THSD7A: variants seen among roughly 807,000 people sequenced by gnomAD.
THSD7A encodes thrombospondin type 1 domain containing 7A.
In THSD7A, 96 loss-of-function variants were observed where a neutral mutation model predicts 231.3. That is an observed-to-expected ratio of 0.41 (90% CI 0.35 to 0.49). The LOEUF (loss-of-function observed/expected upper bound fraction) is 0.49, where lower values mean the gene tolerates loss of function less well. Ranked by LOEUF, THSD7A falls within the 20% of genes least tolerant of loss-of-function variation. THSD7A has a pLI of 0.05. For missense variants in THSD7A, 2,290 were observed against 2,070.2 expected, an observed-to-expected ratio of 1.11 and a Z score of -2.06; for synonymous variants, 940 against 743.3, an observed-to-expected ratio of 1.26 and a Z score of -4.30.
At chr7:11,699,292 T>C (rs1256370647) in intron 1 of THSD7A, among the ~76,000 whole-genome samples, 1 of 151,310 alleles carries the variant, frequency 6.6e-6, no homozygotes, top group African/African-American at 2.4e-5. Flanking sequence ...TATTTTAAAG[T>C]AAAATTTAAG....
At chr7:11,514,368 T>A (rs1228071407) in intron 6 of THSD7A, among the ~76,000 whole-genome samples, 1 of 152,136 alleles carries the variant, frequency 6.6e-6, no homozygotes, top group Non-Finnish European at 1.5e-5. Flanking sequence ...GAGTAGCCAG[T>A]CAGTTAATAT....
chr7:11,565,927 G>C (rs903588833), intron 4 of THSD7A, among the ~76,000 whole-genome samples: 8 of 152,210 alleles, frequency 5.3e-5, no homozygotes, highest in Admixed American at 4.6e-4. Context: ...TGCTGGGTTT[G>C]ACATTTAAAA....
chr7:11,574,699 G>T (rs1290240202), intron 4 of THSD7A, among the ~76,000 whole-genome samples: 3 of 151,520 alleles, frequency 2.0e-5, no homozygotes, highest in Non-Finnish European at 4.4e-5. Flanking sequence ...GCCTCCCAAA[G>T]TGCTGGGATT....
intron 1 of THSD7A, among the ~76,000 whole-genome samples, chr7:11,772,581 G>A (rs766380297): frequency 6.6e-6 from 1 of 152,108 alleles, no homozygotes; most frequent in South Asian, 2.1e-4. Context: ...GATGCAGCTG[G>A]AGGCCATTAT....
intron 11 of THSD7A, among the ~76,000 whole-genome samples, chr7:11,451,956 A>G (rs1785160553): frequency 6.6e-6 from 1 of 152,032 alleles, no homozygotes; most frequent in South Asian, 2.1e-4. Flanking sequence ...AATGAAATAA[A>G]TTGCCTGATC....
At chr7:11,695,328 A>T (rs1323018662) in intron 1 of THSD7A, among the ~76,000 whole-genome samples, 1 of 151,456 alleles carries the variant, frequency 6.6e-6, no homozygotes, top group East Asian at 2.0e-4. Context: ...TTATTGATTC[A>T]TTTATCCAAT....
chr7:11,429,786 G>T (rs1421251553), intron 13 of THSD7A, among the ~76,000 whole-genome samples: 1 of 152,202 alleles, frequency 6.6e-6, no homozygotes, highest in Non-Finnish European at 1.5e-5. Flanking sequence ...GAAAACAAAT[G>T]CAGAGCGATG....
Position 11,481,843 on chromosome 7 carries a change from C to G in THSD7A, c.1962G>C (p.Thr654=), listed in dbSNP as rs772100611. The part of the protein sequence containing the change: ...SSCSHTCSGK[T]TEGKQIRARS... ...GTGCTCGTATCTGTTTCCCTTCTGT[C>G]GTTTTCCCTGAGCAGGTGTGTGAGC... The change falls in exon 7 of 28, where the codon ACG becomes ACC. Residue 654 remains threonine, a synonymous_variant. Transcript: ENST00000423059. 1 of 1,613,706 alleles carries G rather than the reference C, an allele frequency of 6.2e-7. No individual in the cohort carries two copies. Among genetic ancestry groups the G allele is most frequent in the Non-Finnish European group, 8.5e-7 (1 of 1,179,696 alleles).
chr7:11,744,410 T>A (rs1017487182), intron 1 of THSD7A, among the ~76,000 whole-genome samples: 1 of 151,326 alleles, frequency 6.6e-6, no homozygotes, highest in Non-Finnish European at 1.5e-5. Flanking sequence ...ATTTTTATGA[T>A]ACCAGGTTTT....
At chr7:11,484,874 ATTTTTTTTTTTTT>A (rs56353626) in intron 6 of THSD7A, among the ~76,000 whole-genome samples, 51 of 53,812 alleles carry the variant, frequency 9.5e-4, no homozygotes, top group African/African-American at 3.0e-3. Flanking sequence ...CACAACCTTA[ATTTTTTTTTTTTT>A]TTTTTTTTTT....
intron 2 of THSD7A, among the ~76,000 whole-genome samples, chr7:11,609,707 A>G (rs1015220177): frequency 1.3e-5 from 2 of 152,212 alleles, no homozygotes; most frequent in Non-Finnish European, 2.9e-5. Context: ...TTTAGTAAGC[A>G]GTACTCCTAG....
chr7:11,763,635 T>C (rs1043444185), intron 1 of THSD7A, among the ~76,000 whole-genome samples: 1 of 152,170 alleles, frequency 6.6e-6, no homozygotes, highest in Non-Finnish European at 1.5e-5. Context: ...TTAGTGTTTA[T>C]AACTTAAACA....
At chr7:11,453,300 G>A (rs1785200882) in intron 11 of THSD7A, among the ~76,000 whole-genome samples, 1 of 143,540 alleles carries the variant, frequency 7.0e-6, no homozygotes, top group African/African-American at 2.6e-5. Context: ...AAGTTTAATA[G>A]GGGAGAATTA....
At chr7:11,689,503 C>CT (rs1363876470) in intron 1 of THSD7A, among the ~76,000 whole-genome samples, 3 of 151,666 alleles carry the variant, frequency 2.0e-5, no homozygotes, top group African/African-American at 4.8e-5. Flanking sequence ...CTCACTTTTC[C>CT]TTTTTTGTCA....
intron 2 of THSD7A, among the ~76,000 whole-genome samples, chr7:11,607,869 A>G (rs1032850115): frequency 6.6e-6 from 1 of 152,150 alleles, no homozygotes; most frequent in Non-Finnish European, 1.5e-5. Context: ...GTCACCTGCC[A>G]GCTGGAGTGA....
At position 11,474,042 on chromosome 7, in the gene THSD7A, G is replaced by C. The variant is rs1347153129; in HGVS notation, c.2252+292C>G. Among the ~76,000 whole-genome samples, 2 of 152,068 alleles carry C rather than the reference G, an allele frequency of 1.3e-5. No homozygotes were observed. Among genetic ancestry groups the C allele is most frequent in the Non-Finnish European group, 2.9e-5 (2 of 68,004 alleles). ...GTCATTATTGATCAGCCAGGCTTAC[G>C]GCAAGCACTTCTTTCATTGCCTCAC... On this transcript the variant is annotated intron_variant, in intron 8 of 27. Coordinates refer to ENST00000423059, the MANE Select transcript of THSD7A (RefSeq NM_015204.3). The surrounding 1 kb of genome is among the most constrained non-coding windows in gnomAD (Gnocchi z 4.1).
rs754862174 is a variant in THSD7A, at chr7:11,411,228, A to C, written c.3777T>G (p.Val1259=). 19 of 1,613,666 alleles carry C rather than the reference A, an allele frequency of 1.2e-5. No individual in the cohort carries two copies. The South Asian group carries it at 2.1e-4, about 18-fold the overall frequency. The part of the protein sequence containing the change: ...LDCVRSDGKS[V]DLKYCEALGL... The stretch of plus-strand genomic sequence containing the variant: ...CTACCGCTTCACAATATTTCAGGTC[A>C]ACTGACTTGCCATCACTTCGAACAC... Residue 1259 remains valine (V), a synonymous_variant, in exon 19 of 28, where the codon GTT becomes GTG. Transcript: ENST00000423059. The surrounding 1 kb of genome is among the most constrained non-coding windows in gnomAD (Gnocchi z 4.1).
At position 11,411,282 on chromosome 7, in the gene THSD7A, T is replaced by C. The variant is rs1185978099; in HGVS notation, c.3723A>G (p.Gly1241=). ...TCQLSEKAVC[G]NGIKTRMLDC... is the part of the protein sequence containing the mutation. ...CCAACATCCTTGTTTTTATTCCATTTCCACAAACTGCCTTCTCACTCAGCT... is the reference window on the plus strand; with the variant it reads ...CCAACATCCTTGTTTTTATTCCATTCCCACAAACTGCCTTCTCACTCAGCT... Residue 1241 remains glycine, a synonymous_variant, in exon 19 of 28, where the codon GGA becomes GGG. Transcript: ENST00000423059. The surrounding 1 kb of genome is among the most constrained non-coding windows in gnomAD (Gnocchi z 4.1). 3.8e-5 allele frequency: 61 copies of C among 1,613,776 alleles called. No individual in the cohort carries two copies. Among genetic ancestry groups the C allele is most frequent in the Non-Finnish European group, 5.1e-5 (60 of 1,179,846 alleles).
intron 6 of THSD7A, among the ~76,000 whole-genome samples, chr7:11,503,438 A>T (rs1562663621): frequency 6.6e-6 from 1 of 152,230 alleles, no homozygotes; most frequent in Non-Finnish European, 1.5e-5. Context: ...TTTTCACAAC[A>T]AAAGCAAACA....
Sources: gnomAD v4.1 joint callset for allele counts (sites outside exome capture counted in the v4.1 genomes callset) on GRCh38, gnomAD v4.1.1 for gene constraint, Gnocchi (gnomAD v3.1) non-coding constraint, MANE v1.5 for transcripts, NCBI Gene and HGNC (gene_info 2026-07-23, HGNC 2026-07-21) for gene names.